ROR2: variants seen among roughly 807,000 people sequenced by gnomAD.
ROR2 encodes the protein ROR family WNT receptor 2, also known as tyrosine-protein kinase transmembrane receptor ROR2.
ROR2 carries 33 observed loss-of-function variants against 74.9 expected under a neutral mutation model. That is an observed-to-expected ratio of 0.44 (90% confidence interval 0.33 to 0.59). The LOEUF is 0.59. Ranked by LOEUF, ROR2 falls within the 20% of genes least tolerant of loss-of-function variation. ROR2 has a pLI of 0.02. For synonymous variants in ROR2, 586 were observed against 558.7 expected (o/e 1.05, Z -0.69); for missense variants, 1,216 against 1,313.8 (o/e 0.93, Z 1.15).
At chr9:91,855,877 G>A (rs1050507804) in intron 1 of ROR2, among the ~76,000 whole-genome samples, 13 of 152,030 alleles carry the variant, frequency 8.6e-5, no homozygotes, top group African/African-American at 2.4e-4. Flanking sequence ...CTGCCGGCCG[G>A]GTGAGGCACC....
chr9:91,827,548 T>C (rs147925850), intron 1 of ROR2, among the ~76,000 whole-genome samples: 1,696 of 152,290 alleles, frequency 0.011, 36 homozygotes, highest in African/African-American at 0.039. Context: ...CTGTAAATCT[T>C]TATTTCTCTT....
chr9:91,809,240 C>A (rs1827668855), intron 1 of ROR2, among the ~76,000 whole-genome samples: 2 of 152,234 alleles, frequency 1.3e-5, no homozygotes, highest in South Asian at 4.1e-4. Context: ...CCTGGAAAAA[C>A]CAAAAGGATA....
chr9:91,847,526 G>GGGCGCCAGAGGAGGCCCTGCA (rs1828967423), intron 1 of ROR2, among the ~76,000 whole-genome samples: 1 of 152,198 alleles, frequency 6.6e-6, no homozygotes, highest in Non-Finnish European at 1.5e-5. Flanking sequence ...AGAGACTTGA[G>GGGCGCCAGAGGAGGCCCTGCA]GGCGCCAGAG....
chr9:91,759,549 C>T (rs1283473665), intron 2 of ROR2, among the ~76,000 whole-genome samples: 1 of 152,168 alleles, frequency 6.6e-6, no homozygotes, highest in East Asian at 1.9e-4. Context: ...CATGGGGAAT[C>T]TGCATTCCCC....
At chr9:91,912,390 C>T (rs1831017450) in intron 1 of ROR2, among the ~76,000 whole-genome samples, 1 of 152,092 alleles carries the variant, frequency 6.6e-6, no homozygotes, top group South Asian at 2.1e-4. Flanking sequence ...TGTAATGTTT[C>T]CCACAAAAAG....
chr9:91,921,515 G>A (rs750167933), intron 1 of ROR2, among the ~76,000 whole-genome samples: 1 of 152,206 alleles, frequency 6.6e-6, no homozygotes, highest in Non-Finnish European at 1.5e-5. Flanking sequence ...AGGCCTCTTT[G>A]TGTCACCAAG....
intron 2 of ROR2, 83 bp downstream of exon 2, chr9:91,775,658 T>C: frequency 7.5e-7 from 1 of 1,342,204 alleles, no homozygotes; most frequent in Non-Finnish European, 1.1e-6. Flanking sequence ...CCCAGCGCCT[T>C]CCTTCAGGCA....
chr9:91,798,376 G>A (rs1189388194), intron 1 of ROR2, among the ~76,000 whole-genome samples: 1 of 120,456 alleles, frequency 8.3e-6, no homozygotes, highest in Non-Finnish European at 1.7e-5. Context: ...GGTGGGGAAT[G>A]ACACCCTGGG....
chr9:91,723,436 C>A lies in ROR2; in HGVS notation c.*226G>T, dbSNP rs766656368. On this transcript the variant is annotated 3_prime_UTR_variant, in exon 9 of 9. Transcript: ENST00000375708. ...TGACCATGTGTCCTGCTCCCCAGGA[C>A]GCCGTGCTGCCAGACCCCCTGCCTG... 5 of 616,064 alleles carry A rather than the reference C, an allele frequency of 8.1e-6. No individual in the cohort carries two copies. The highest frequency in any genetic ancestry group is 6.1e-5 in the South Asian group (3 of 49,474). 38.2% of individuals were successfully genotyped at this position (616,064 alleles called of 1,614,324 possible).
intron 2 of ROR2, among the ~76,000 whole-genome samples, chr9:91,774,051 G>C (rs1826331490): frequency 6.6e-6 from 1 of 152,252 alleles, no homozygotes; most frequent in African/African-American, 2.4e-5. Flanking sequence ...CAATCAGTAA[G>C]TATCTGTGGT....
In ROR2 at chr9:91,733,824, C is replaced by T. The variant is rs189950894; in HGVS notation, c.623-388G>A. Among the ~76,000 whole-genome samples the T allele has an allele frequency of 1.1e-3, 170 of 152,274 alleles. No homozygotes were observed. Among genetic ancestry groups the T allele is most frequent in the Admixed American group, 2.9e-3 (44 of 15,296 alleles). On this transcript the variant is annotated intron_variant, in intron 5 of 8. Coordinates refer to ENST00000375708, the MANE Select transcript of ROR2 (RefSeq NM_004560.4). This position sits in a 1 kb window ranked among gnomAD's most constrained non-coding sequence, Gnocchi z 5.7. Reference sequence around the variant, plus strand: ...CTAAGGACCCGCCATGTGTGGAGAGCGCAGGCCAAGAAGTGCAGTACCGAG... The same window carrying T: ...CTAAGGACCCGCCATGTGTGGAGAGTGCAGGCCAAGAAGTGCAGTACCGAG...
In ROR2 at chr9:91,826,145, C is replaced by T. The variant is rs1212526931; in HGVS notation, c.98-50327G>A. Among the ~76,000 whole-genome samples the T allele has an allele frequency of 6.6e-5, 10 of 152,136 alleles. No individual in the cohort carries two copies. The East Asian group carries it at 1.5e-3, about 23-fold the overall frequency. ...CTTGGCCAGGGCTACCCAGGATACT[C>T]CCAAGAAGCGTGACTACCAGGCTTC... On this transcript the variant is annotated intron_variant, in intron 1 of 8. Coordinates refer to ENST00000375708, the MANE Select transcript of ROR2 (RefSeq NM_004560.4).
At chr9:91,741,722 G>A (rs1825253294) in intron 4 of ROR2, among the ~76,000 whole-genome samples, 1 of 152,146 alleles carries the variant, frequency 6.6e-6, no homozygotes, top group Non-Finnish European at 1.5e-5. Context: ...TGCCTGCCTA[G>A]GTGAAGCAGA....
At chr9:91,912,996 G>T (rs545868221) in intron 1 of ROR2, among the ~76,000 whole-genome samples, 19 of 152,292 alleles carry the variant, frequency 1.2e-4, no homozygotes, top group African/African-American at 3.6e-4. Context: ...GGGCGTGGTG[G>T]CACATACCTG....
At chr9:91,757,245 C>G (rs1374949378) in intron 3 of ROR2, 27 bp downstream of exon 3, 2 of 1,613,532 alleles carry the variant, frequency 1.2e-6, no homozygotes, top group East Asian at 4.5e-5. Flanking sequence ...TATCTGCTAA[C>G]CCACACAATT....
chr9:91,882,380 C>T (rs1287252551), intron 1 of ROR2, among the ~76,000 whole-genome samples: 1 of 149,794 alleles, frequency 6.7e-6, no homozygotes, highest in Non-Finnish European at 1.5e-5. Context: ...CATTGCACTC[C>T]AGCCCAGGCG....
At chr9:91,838,206 G>A (rs934075479) in intron 1 of ROR2, among the ~76,000 whole-genome samples, 2 of 152,110 alleles carry the variant, frequency 1.3e-5, no homozygotes, top group Non-Finnish European at 2.9e-5. Context: ...AGGAAAAATC[G>A]CCCCTTTGAA....
intron 1 of ROR2, among the ~76,000 whole-genome samples, chr9:91,890,095 G>A (rs1397159177): frequency 6.6e-6 from 1 of 152,184 alleles, no homozygotes; most frequent in African/African-American, 2.4e-5. Context: ...GGTCAGAGGT[G>A]TTCTTAGGAT....
intron 1 of ROR2, among the ~76,000 whole-genome samples, chr9:91,917,253 G>T (rs1457485697): frequency 2.0e-5 from 3 of 152,130 alleles, no homozygotes; most frequent in African/African-American, 7.2e-5. Context: ...TGGGTCTGTA[G>T]GTTTCTTAGT....
Sources: allele counts gnomAD v4.1 joint callset (sites outside exome capture counted in the v4.1 genomes callset), GRCh38; gene constraint gnomAD v4.1.1; non-coding constraint Gnocchi (gnomAD v3.1); transcripts MANE v1.5; gene names NCBI Gene and HGNC (gene_info 2026-07-23, HGNC 2026-07-21).